The following NKD2 variants were observed in gnomAD, a reference collection of about 807,000 sequenced individuals.
The protein encoded by NKD2 is NKD inhibitor of Wnt signaling pathway 2.
In NKD2, 43 loss-of-function variants were observed where a neutral mutation model predicts 34.8. That is an observed-to-expected ratio of 1.24 (90% CI 0.97 to 1.60). The LOEUF (loss-of-function observed/expected upper bound fraction) is 1.60, where lower values mean the gene tolerates loss of function less well. Ranked by LOEUF, NKD2 falls within the 40% of genes most tolerant of loss-of-function variation. The pLI, the probability that NKD2 is intolerant of heterozygous loss-of-function variation, is 0.00. For missense variants in NKD2, 675 were observed against 627.1 expected, an observed-to-expected ratio of 1.08 and a Z score of -0.82; for synonymous variants, 278 against 265.1, an observed-to-expected ratio of 1.05 and a Z score of -0.47.
chr5:1,026,672 G>C (rs1159945598), intron 3 of NKD2, among the ~76,000 whole-genome samples: 1 of 152,236 alleles, frequency 6.6e-6, no homozygotes, highest in African/African-American at 2.4e-5. Context: ...TTCCTGAGAG[G>C]CCCAGCTCCA....
intron 8 of NKD2, 148 bp downstream of exon 8, chr5:1,035,621 G>T: frequency 1.6e-6 from 1 of 643,916 alleles, no homozygotes; most frequent in South Asian, 1.9e-5. Flanking sequence ...GCTCTGTGGG[G>T]CATGGGCCCT....
At position 1,036,325 on chromosome 5, in the gene NKD2, G is replaced by T; in HGVS notation, c.728G>T (p.Arg243Leu). 1 of 1,612,916 alleles carries T rather than the reference G, an allele frequency of 6.2e-7. No homozygotes were observed. The highest frequency in any genetic ancestry group is 2.2e-5 in the East Asian group (1 of 44,858). The change falls in exon 9 of 10, where the codon CGC (arginine) becomes CTC (leucine). Residue 243 changes from arginine (R) to leucine (L), a missense_variant. Arg to Leu is a moderately radical substitution (Grantham distance 102). Transcript: ENST00000296849. ...GPYCVDENTE[R>L]RNHYLDLAGI... ...TACTGCGTGGACGAGAACACGGAGC[G>T]CAGAAACCACTACCTGGACCTCGCC...
rs372357505 is a variant in NKD2 at position 1,035,677 on chromosome 5, G to A, written c.659+204G>A. On this transcript the variant is annotated intron_variant, in intron 8 of 9. Transcript: ENST00000296849. ...CTGAGCTGGGCCCCCAAGTCTGTCT[G>A]AGCAGAGGGCTTTGAGGGGCAGCAG... The A allele has an allele frequency of 3.3e-4, 187 of 574,808 alleles. 1 individual carries two copies. The East Asian group carries it at 4.8e-3, about 15-fold the overall frequency. 35.6% of individuals were successfully genotyped at this position (574,808 alleles called of 1,614,324 possible). A position where few individuals can be genotyped will look rare whatever the true frequency, so the allele number is the denominator to read the frequency against.
In NKD2 at chr5:1,032,053, CGA is replaced by C. The variant is rs1756664121; in HGVS notation, c.142-97_142-96del. 5 of 922,166 alleles carry C rather than the reference CGA, an allele frequency of 5.4e-6. No individual in the cohort carries two copies. In the Admixed American group the frequency reaches 7.7e-5, roughly 14 times the overall value. The allele number at this position is 922,166 out of a possible 1,614,324, so 57.1% of individuals were successfully genotyped here. A position where few individuals can be genotyped will look rare whatever the true frequency, so the allele number is the denominator to read the frequency against. ...TTGAGACGCCCCAGGAGGCCTGAGG[CGA>C]GTGTCAGGCTCCAGTCCAGCCGCCC... On this transcript the variant is annotated intron_variant, in intron 3 of 9. Coordinates refer to ENST00000296849, the MANE Select transcript of NKD2 (RefSeq NM_033120.4).
intron 8 of NKD2, 73 bp from the exon 9 acceptor site, chr5:1,036,184 G>A (rs1413807289): frequency 2.1e-6 from 3 of 1,442,946 alleles, no homozygotes; most frequent in African/African-American, 1.4e-5. Context: ...GCCGCCTGCT[G>A]TAGGCACCCC....
intron 3 of NKD2, among the ~76,000 whole-genome samples, chr5:1,028,614 C>T (rs893241251): frequency 2.6e-5 from 4 of 152,124 alleles, no homozygotes; most frequent in African/African-American, 7.2e-5. Context: ...GCAGGCCAGC[C>T]GTGGGGTCCC....
chr5:1,030,433 G>A (rs1473469791), intron 3 of NKD2, among the ~76,000 whole-genome samples: 1 of 152,214 alleles, frequency 6.6e-6, no homozygotes, highest in Non-Finnish European at 1.5e-5. Flanking sequence ...CTAGTATCTG[G>A]TCCATCCCAC....
chr5:1,020,423 C>T (rs1335524748), intron 3 of NKD2, among the ~76,000 whole-genome samples: 3 of 152,112 alleles, frequency 2.0e-5, no homozygotes, highest in African/African-American at 7.2e-5. Flanking sequence ...CTGCTCTCCA[C>T]CCCCACCCCC....
chr5:1,016,182 C>T (rs927911804), intron 3 of NKD2, among the ~76,000 whole-genome samples: 2 of 152,260 alleles, frequency 1.3e-5, no homozygotes, highest in African/African-American at 2.4e-5. Flanking sequence ...ACCTGGCTGC[C>T]GCCTCTGGAC....
At chr5:1,019,423 C>T (rs944064891) in intron 3 of NKD2, among the ~76,000 whole-genome samples, 7 of 152,194 alleles carry the variant, frequency 4.6e-5, no homozygotes, top group South Asian at 2.1e-4. Context: ...GGACGGCAGC[C>T]GCCAGGCATA....
At chr5:1,037,310 A>G (rs944421349) in intron 9 of NKD2, among the ~76,000 whole-genome samples, 1 of 152,074 alleles carries the variant, frequency 6.6e-6, no homozygotes, top group Non-Finnish European at 1.5e-5. Context: ...GATCAGGGTC[A>G]TGGGGGCTCA....
chr5:1,013,848 G>A (rs1432247660), intron 3 of NKD2, among the ~76,000 whole-genome samples: 1 of 152,228 alleles, frequency 6.6e-6, no homozygotes, highest in African/African-American at 2.4e-5. Flanking sequence ...GTGCAGATGT[G>A]CATTCTCAGT....
At chr5:1,026,922 G>A (rs1756437563) in intron 3 of NKD2, among the ~76,000 whole-genome samples, 2 of 152,246 alleles carry the variant, frequency 1.3e-5, no homozygotes, top group African/African-American at 4.8e-5. Context: ...TCCTGCCTGA[G>A]CCCCACAAAC....
chr5:1,015,771 C>T (rs1376962137), intron 3 of NKD2, among the ~76,000 whole-genome samples: 1 of 152,176 alleles, frequency 6.6e-6, no homozygotes, highest in Non-Finnish European at 1.5e-5. Flanking sequence ...CCCGAGGGGG[C>T]CTGTGCTGCG....
At chr5:1,032,913 T>C (rs914789428) in intron 4 of NKD2, among the ~76,000 whole-genome samples, 1 of 152,188 alleles carries the variant, frequency 6.6e-6, no homozygotes, top group Non-Finnish European at 1.5e-5. Context: ...TGTTCATCCA[T>C]CCTGCCCAGA....
chr5:1,020,582 C>G (rs1012316884), intron 3 of NKD2, among the ~76,000 whole-genome samples: 2 of 152,108 alleles, frequency 1.3e-5, no homozygotes, highest in African/African-American at 4.8e-5. Context: ...GTAAAGTGCT[C>G]CCTGAGTCCC....
At chr5:1,031,777 G>T (rs1756653644) in intron 3 of NKD2, among the ~76,000 whole-genome samples, 1 of 152,128 alleles carries the variant, frequency 6.6e-6, no homozygotes, top group East Asian at 1.9e-4. Context: ...GCTCCAGTGG[G>T]CAGTGCTGGG....
In NKD2 at chr5:1,033,445, G is replaced by T. The variant is rs1365092159; in HGVS notation, c.276G>T (p.Arg92Ser). The T allele has an allele frequency of 1.3e-6, 2 of 1,573,838 alleles. No homozygotes were observed. Among genetic ancestry groups the T allele is most frequent in the Admixed American group, 1.8e-5 (1 of 55,096 alleles). The change falls in exon 5 of 10, where the codon AGG (arginine) becomes AGT (serine). Residue 92 changes from arginine to serine, a missense_variant. By Grantham distance (110) the Arg-to-Ser change is moderately radical. Transcript: ENST00000296849. ...TCCTCAGCGCAGATGACGGAGAGAG[G>T]GCAGCAAACCGCGAGGGCCCGCGAG... ...GQLLSADDGERAANREGPRGP... is the reference protein window; with the variant it reads ...GQLLSADDGESAANREGPRGP...
In NKD2 at chr5:1,011,953, C is replaced by T. The variant is rs570722966; in HGVS notation, c.141+2393C>T. On this transcript the variant is annotated intron_variant, in intron 3 of 9. Coordinates refer to ENST00000296849, the MANE Select transcript of NKD2 (RefSeq NM_033120.4). Reference sequence around the variant, plus strand: ...GCCATGGGATCACTGGTGACGGTGCCGTGAAGGTCTGGAGAGTGGATTGTG... The same window carrying T: ...GCCATGGGATCACTGGTGACGGTGCTGTGAAGGTCTGGAGAGTGGATTGTG... 3.5e-4 allele frequency among the ~76,000 whole-genome samples: 54 copies of T among 152,302 alleles called. 1 individual carries two copies. The East Asian group carries it at 9.1e-3, about 26-fold the overall frequency.
Sources: gnomAD v4.1 joint callset for allele counts (sites outside exome capture counted in the v4.1 genomes callset) on GRCh38, gnomAD v4.1.1 for gene constraint, MANE v1.5 for transcripts, NCBI Gene and HGNC (gene_info 2026-07-23, HGNC 2026-07-21) for gene names.